Variants in GINS2 observed in about 807,000 individuals in gnomAD.
GINS2 encodes GINS complex subunit 2.
In GINS2, 23 loss-of-function variants were observed where a neutral mutation model predicts 21.2. The observed-to-expected ratio is 1.08, with a 90% CI of 0.78 to 1.53. The LOEUF (loss-of-function observed/expected upper bound fraction) is 1.53, where lower values mean the gene tolerates loss of function less well. Among genes scored for constraint, GINS2 ranks in the 40% most tolerant of loss-of-function variants. The pLI is 0.00. For synonymous variants in GINS2, 118 were observed against 85.6 expected, an observed-to-expected ratio of 1.38 and a Z score of -2.09; for missense variants, 323 against 233.9, an observed-to-expected ratio of 1.38 and a Z score of -2.49.
chr16:85,678,544 G>C lies in GINS2; in HGVS notation c.428C>G (p.Ala143Gly), dbSNP rs749778247. Residue 143 changes from alanine (A) to glycine (G), a missense_variant, in exon 4 of 5, where the codon GCC (alanine) becomes GGC (glycine). Ala to Gly is a moderately conservative substitution (Grantham distance 60). Coordinates refer to ENST00000253462, the MANE Select transcript of GINS2 (RefSeq NM_016095.3). Reference sequence around the variant, plus strand: ...CCCAGGCAAGGCGGCACCTACCTTGGCATGTGCCTCCTGCTGTCTCACAAA... The same window carrying C: ...CCCAGGCAAGGCGGCACCTACCTTGCCATGTGCCTCCTGCTGTCTCACAAA... ...DSFVRQQEAH[A>G]KLDNLTLMEI... 9.9e-6 allele frequency: 16 copies of C among 1,612,886 alleles called. No individual in the cohort carries two copies. In the East Asian group the frequency reaches 3.3e-4, roughly 34 times the overall value.
chr16:85,679,014 C>G (rs764181522), intron 3 of GINS2, among the ~76,000 whole-genome samples: 1 of 152,156 alleles, frequency 6.6e-6, no homozygotes, highest in Non-Finnish European at 1.5e-5. Flanking sequence ...GAATCAGTTT[C>G]GAGGGCTGGC....
In GINS2 at chr16:85,676,239, C is replaced by A. The variant is rs954416299; in HGVS notation, c.*1973G>T. The A allele has an allele frequency of 1.3e-5, 2 of 152,446 alleles. No homozygotes were observed. Among genetic ancestry groups the A allele is most frequent in the African/African-American group, 4.8e-5 (2 of 41,400 alleles). 9.4% of individuals were successfully genotyped at this position (152,446 alleles called of 1,614,324 possible). ...ATCTTTTTTATGATATAAAACAAAGCCAAACAAAGAAAAGCTCAATAACTA... is the reference window on the plus strand; with the variant it reads ...ATCTTTTTTATGATATAAAACAAAGACAAACAAAGAAAAGCTCAATAACTA... On this transcript the variant is annotated 3_prime_UTR_variant, in exon 5 of 5. Coordinates refer to ENST00000253462, the MANE Select transcript of GINS2 (RefSeq NM_016095.3).
At chr16:85,679,415 C>G (rs1053969308) in intron 3 of GINS2, among the ~76,000 whole-genome samples, 1 of 152,190 alleles carries the variant, frequency 6.6e-6, no homozygotes, top group African/African-American at 2.4e-5. Context: ...AAAGCAGAAG[C>G]AAATATTGTT....
At position 85,678,323 on chromosome 16, in the gene GINS2, G is replaced by C; in HGVS notation, c.447C>G (p.Thr149=). 2 of 1,613,546 alleles carry C rather than the reference G, an allele frequency of 1.2e-6. No individual in the cohort carries two copies. The highest frequency in any genetic ancestry group is 1.3e-5 in the African/African-American group (1 of 74,916). ...TCCCGCTGGTGTTGATCTCCATCAA[G>C]GTCAAGTTATCCAGCTAAAGCAAGA... is the stretch of plus-strand genomic sequence containing the variant. ...QEAHAKLDNL[T]LMEINTSGTF... Residue 149 remains threonine (T), a synonymous_variant, in exon 5 of 5, where the codon ACC becomes ACG. Transcript: ENST00000253462.
At chr16:85,682,021 CTTTTTTTTTTTT>C (rs56847154) in intron 2 of GINS2, among the ~76,000 whole-genome samples, 1 of 73,336 alleles carries the variant, frequency 1.4e-5, no homozygotes, top group Non-Finnish European at 2.5e-5. Context: ...CCTTTACCGC[CTTTTTTTTTTTT>C]TTTTTTTTTT....
intron 2 of GINS2, among the ~76,000 whole-genome samples, chr16:85,687,006 G>C (rs1314796242): frequency 6.6e-6 from 1 of 152,236 alleles, no homozygotes; most frequent in Non-Finnish European, 1.5e-5. Flanking sequence ...CAGATCGCTT[G>C]ACCCCAGGAG....
intron 2 of GINS2, among the ~76,000 whole-genome samples, chr16:85,685,674 A>AC (rs2053768910): frequency 7.3e-6 from 1 of 137,706 alleles, no homozygotes; most frequent in African/African-American, 2.9e-5. Flanking sequence ...CTTTCTCAAA[A>AC]AAAAAAAAAA....
intron 2 of GINS2, among the ~76,000 whole-genome samples, chr16:85,687,045 G>C (rs1048897120): frequency 6.6e-6 from 1 of 152,196 alleles, no homozygotes. Context: ...AGCATGGCAA[G>C]ACCCCATCTC....
rs779129979 is a variant in GINS2, at chr16:85,681,630, G to C, written c.257C>G (p.Pro86Arg). The C allele has an allele frequency of 6.2e-7, 1 of 1,612,786 alleles. No individual in the cohort carries two copies. The highest frequency in any genetic ancestry group is 2.2e-5 in the East Asian group (1 of 44,860). The change falls in exon 3 of 5, where the codon CCA (proline) becomes CGA (arginine). Residue 86 changes from proline to arginine, a missense_variant. Transcript: ENST00000253462. ...TTCCATGTAGTAAGGGCTGGGCATT[G>C]GGGTAAAAGTTTCTTCCTTTCGTTC... ...DHERKEETFT[P>R]MPSPYYMELT...
At chr16:85,682,645 C>T (rs1309546949) in intron 2 of GINS2, among the ~76,000 whole-genome samples, 3 of 152,054 alleles carry the variant, frequency 2.0e-5, no homozygotes, top group African/African-American at 4.8e-5. Context: ...CGGGAGGAGG[C>T]ATGACATCCT....
At position 85,678,286 on chromosome 16, in the gene GINS2, G is replaced by C; in HGVS notation, c.484C>G (p.Gln162Glu). ...EINTSGTFLT[Q>E]ALNHMYKLRT... ...AGTTTGTACATGTGGTTGAGCGCTT[G>C]TGTGAGGAAAGTCCCGCTGGTGTTG... Residue 162 changes from glutamine (Q) to glutamate (E), a missense_variant, in exon 5 of 5, where the codon CAA becomes GAA. By Grantham distance (29) the Gln-to-Glu change is conservative. Coordinates refer to ENST00000253462, the MANE Select transcript of GINS2 (RefSeq NM_016095.3). 1.2e-6 allele frequency: 2 copies of C among 1,612,828 alleles called. No homozygotes were observed. Among genetic ancestry groups the C allele is most frequent in the Non-Finnish European group, 1.7e-6 (2 of 1,178,802 alleles).
chr16:85,678,734 G>A, intron 3 of GINS2, 68 bp from the exon 4 acceptor site: 1 of 1,483,944 alleles, frequency 6.7e-7, no homozygotes. Context: ...GGATAGAGTG[G>A]CTCTTTTCAG....
chr16:85,679,498 C>T (rs950632225), intron 3 of GINS2, among the ~76,000 whole-genome samples: 14 of 152,196 alleles, frequency 9.2e-5, no homozygotes, highest in African/African-American at 2.9e-4. Context: ...GAGTAAGTGG[C>T]AAACCACTGG....
chr16:85,683,257 C>T (rs575268465), intron 2 of GINS2, among the ~76,000 whole-genome samples: 3 of 152,198 alleles, frequency 2.0e-5, no homozygotes, highest in South Asian at 2.1e-4. Flanking sequence ...GGCAATTCCT[C>T]CTGACCTCTC....
chr16:85,682,045 T>C (rs1375074526), intron 2 of GINS2, among the ~76,000 whole-genome samples: 10 of 101,852 alleles, frequency 9.8e-5, no homozygotes, highest in Admixed American at 6.8e-4. Context: ...TTTTTTTTTT[T>C]TTTGAGAGGG....
At chr16:85,678,779 C>G (rs937393042) in intron 3 of GINS2, 113 bp from the exon 4 acceptor site, 1 of 1,038,256 alleles carries the variant, frequency 9.6e-7, no homozygotes, top group African/African-American at 1.6e-5. Flanking sequence ...CTCAGAAAGT[C>G]TGTTTTGCTT....
chr16:85,685,327 G>C (rs554213584), intron 2 of GINS2, among the ~76,000 whole-genome samples: 1 of 152,068 alleles, frequency 6.6e-6, no homozygotes, highest in Non-Finnish European at 1.5e-5. Flanking sequence ...TTTAAACAAG[G>C]GGCCTGGAGA....
chr16:85,679,968 C>G (rs1028395506), intron 3 of GINS2, among the ~76,000 whole-genome samples: 1 of 152,184 alleles, frequency 6.6e-6, no homozygotes, highest in African/African-American at 2.4e-5. Context: ...TCTGCCTGAG[C>G]ATATCAGTTC....
rs781190182 is a variant in GINS2 at position 85,687,457 on chromosome 16, T to C, written c.205+3A>G. The C allele has an allele frequency of 3.3e-6, 5 of 1,516,464 alleles. No individual in the cohort carries two copies. The highest frequency in any genetic ancestry group is 4.4e-6 in the Non-Finnish European group (5 of 1,128,868). 93.9% of individuals were successfully genotyped at this position (1,516,464 alleles called of 1,614,324 possible). A position where few individuals can be genotyped will look rare whatever the true frequency, so the allele number is the denominator to read the frequency against. On this transcript the variant is annotated splice_donor_region_variant and intron_variant, in intron 2 of 4. Transcript: ENST00000253462. ...CATCAACCAGTCTCCACCACATCCT[T>C]ACCTACATCCATCCACTCTGGAGGG...
Sources: allele counts gnomAD v4.1 joint callset (sites outside exome capture counted in the v4.1 genomes callset), GRCh38; gene constraint gnomAD v4.1.1; transcripts MANE v1.5; gene names NCBI Gene and HGNC (gene_info 2026-07-23, HGNC 2026-07-21).